AQP11: variants seen among roughly 807,000 people sequenced by gnomAD.
The protein encoded by AQP11 is aquaporin 11, also known as aquaporin-11.
Under a neutral mutation model 21.1 loss-of-function variants are expected in AQP11, and 20 were observed. The ratio of observed to expected loss-of-function variants is 0.95; its 90% CI spans 0.67 to 1.38. The LOEUF is 1.38. Ranked by LOEUF, AQP11 falls within the 40% of genes most tolerant of loss-of-function variation. The probability of loss-of-function intolerance (pLI) is 0.00; values close to 1 mark genes in which losing one functional copy is unlikely to be tolerated. For synonymous variants in AQP11, 167 were observed against 150.1 expected (o/e 1.11, Z -0.82); for missense variants, 339 against 340.4 (o/e 1.00, Z 0.03).
At chr11:77,608,707 C>T (rs764807116) in intron 2 of AQP11, among the ~76,000 whole-genome samples, 14 of 152,144 alleles carry the variant, frequency 9.2e-5, no homozygotes, top group Non-Finnish European at 2.1e-4. Flanking sequence ...ATTTGCTTGA[C>T]ACATCTCTAA....
Position 77,604,661 on chromosome 11 carries a change from T to C in AQP11, c.736+989T>C, listed in dbSNP as rs73500750. On this transcript the variant is annotated intron_variant, in intron 2 of 2. Transcript: ENST00000313578. ...ACAGAAGGGAAGTGCCATAACAGGTTTGAATAGTCAATCACACTTTACTCT... is the reference window on the plus strand; with the variant it reads ...ACAGAAGGGAAGTGCCATAACAGGTCTGAATAGTCAATCACACTTTACTCT... 2.2e-3 allele frequency among the ~76,000 whole-genome samples: 333 copies of C among 152,308 alleles called. 3 individuals are homozygous for C. The highest frequency in any genetic ancestry group is 7.3e-3 in the African/African-American group (302 of 41,576).
chr11:77,609,094 GA>G (rs1565120740), intron 2 of AQP11, among the ~76,000 whole-genome samples: 1 of 152,014 alleles, frequency 6.6e-6, no homozygotes, highest in Non-Finnish European at 1.5e-5. Flanking sequence ...GAGAATAATA[GA>G]TTTAAATCTG....
intron 1 of AQP11, among the ~76,000 whole-genome samples, chr11:77,591,735 A>T (rs887056616): frequency 1.3e-5 from 2 of 152,078 alleles, no homozygotes; most frequent in African/African-American, 2.4e-5. Flanking sequence ...TTAGCCAGGC[A>T]TGGTGGTGGG....
At chr11:77,591,534 G>A (rs1455579553) in intron 1 of AQP11, among the ~76,000 whole-genome samples, 1 of 152,190 alleles carries the variant, frequency 6.6e-6, no homozygotes, top group Non-Finnish European at 1.5e-5. Flanking sequence ...CAAACTTCAA[G>A]ATAAGGACTC....
At chr11:77,591,436 TATAAA>T (rs1958746882) in intron 1 of AQP11, 1 of 571,694 alleles carries the variant, frequency 1.7e-6, no homozygotes, top group African/African-American at 2.0e-5. Flanking sequence ...ACATCTAAAT[TATAAA>T]AGACTGTGGA....
chr11:77,609,529 T>A lies in AQP11; in HGVS notation c.*152T>A, dbSNP rs1184451736. The stretch of plus-strand genomic sequence containing the variant: ...CTTATAGTTTTCATCACTGGGACTT[T>A]AAAAAAAAATTACTGTGAAAATGAG... On this transcript the variant is annotated 3_prime_UTR_variant, in exon 3 of 3. Coordinates refer to ENST00000313578, the MANE Select transcript of AQP11 (RefSeq NM_173039.3). 2.5e-5 allele frequency: 12 copies of A among 479,990 alleles called. No individual in the cohort carries two copies. The highest frequency in any genetic ancestry group is 5.3e-5 in the South Asian group (1 of 18,960). The allele number at this position is 479,990 out of a possible 1,614,324, so 29.7% of individuals were successfully genotyped here.
intron 1 of AQP11, among the ~76,000 whole-genome samples, chr11:77,591,640 TG>T (rs950919325): frequency 2.7e-5 from 4 of 147,810 alleles, no homozygotes; most frequent in African/African-American, 1.0e-4. Context: ...GAGACCGAGG[TG>T]GGTGGATCAC....
intron 1 of AQP11, among the ~76,000 whole-genome samples, chr11:77,600,744 G>A (rs909016956): frequency 6.6e-6 from 1 of 152,210 alleles, no homozygotes; most frequent in African/African-American, 2.4e-5. Flanking sequence ...CGGGTGCGGT[G>A]GCTCACGCCT....
intron 2 of AQP11, among the ~76,000 whole-genome samples, chr11:77,608,089 T>C (rs1340310372): frequency 6.6e-6 from 1 of 152,202 alleles, no homozygotes; most frequent in Non-Finnish European, 1.5e-5. Context: ...TAATTTCAAA[T>C]GTGCATGTGA....
intron 2 of AQP11, among the ~76,000 whole-genome samples, chr11:77,605,362 G>A (rs1398437472): frequency 6.6e-6 from 1 of 152,068 alleles, no homozygotes; most frequent in African/African-American, 2.4e-5. Flanking sequence ...ATTTGTTAGC[G>A]TGCTCCAACT....
Position 77,609,169 on chromosome 11 carries a change from G to A in AQP11, c.737-129G>A, listed in dbSNP as rs541886381. ...CTAACATGTTTCACGTAGAATTGAT[G>A]TAGCCAATTCTTTAAGCATGGCTTT... is the stretch of plus-strand genomic sequence containing the variant. On this transcript the variant is annotated intron_variant, in intron 2 of 2. Transcript: ENST00000313578. The A allele has an allele frequency of 5.3e-6, 3 of 567,272 alleles. No individual in the cohort carries two copies. In the Admixed American group the frequency reaches 1.0e-4, roughly 19 times the overall value. 35.1% of individuals were successfully genotyped at this position (567,272 alleles called of 1,614,324 possible).
chr11:77,600,047 C>T (rs1255407172), intron 1 of AQP11, among the ~76,000 whole-genome samples: 3 of 152,042 alleles, frequency 2.0e-5, no homozygotes, highest in African/African-American at 7.2e-5. Flanking sequence ...GCAACCTCTG[C>T]CTCCTGGGTA....
At chr11:77,606,973 G>C (rs1251798416) in intron 2 of AQP11, among the ~76,000 whole-genome samples, 1 of 152,052 alleles carries the variant, frequency 6.6e-6, no homozygotes, top group East Asian at 1.9e-4. Context: ...ATTCTCAGTT[G>C]GTCTAAGGAC....
chr11:77,594,354 G>A (rs997451626), intron 1 of AQP11, among the ~76,000 whole-genome samples: 1 of 152,168 alleles, frequency 6.6e-6, no homozygotes, highest in Non-Finnish European at 1.5e-5. Flanking sequence ...TCTAAGTATT[G>A]TGAAACTCCA....
At position 77,589,966 on chromosome 11, in the gene AQP11, G is replaced by A. The variant is rs200630975; in HGVS notation, c.-27G>A. On this transcript the variant is annotated 5_prime_UTR_variant, in exon 1 of 3. Transcript: ENST00000313578. ...CGCCTCCTACCCAGAGCCGGAGCCC[G>A]CAACCCGCTCAGGCGGCGACGGAGC... 151 of 1,444,806 alleles carry A rather than the reference G, an allele frequency of 1.0e-4. No individual in the cohort carries two copies. In the African/African-American group the frequency reaches 2.1e-3, roughly 20 times the overall value. 89.5% of individuals were successfully genotyped at this position (1,444,806 alleles called of 1,614,324 possible).
At chr11:77,591,899 TC>T (rs1958750645) in intron 1 of AQP11, among the ~76,000 whole-genome samples, 1 of 151,978 alleles carries the variant, frequency 6.6e-6, no homozygotes, top group South Asian at 2.1e-4. Context: ...AAGCAAGCCT[TC>T]CCAATCAATT....
rs1039197705 is a variant in AQP11, at chr11:77,590,059, T to A, written c.67T>A (p.Ser23Thr). Residue 23 changes from serine to threonine, a missense_variant, in exon 1 of 3, where the codon TCG becomes ACG. Transcript: ENST00000313578. ...CTGCACCTCGCTGGGACTGATGCTG[T>A]CGGTGGTGCTGCTCATGGGGCTGGC... Reference protein sequence around the residue: ...DTCTSLGLMLSVVLLMGLARV... With the variant: ...DTCTSLGLMLTVVLLMGLARV... 4.4e-6 allele frequency: 7 copies of A among 1,599,184 alleles called. No homozygotes were observed. In the African/African-American group the frequency reaches 9.4e-5, roughly 21 times the overall value.
chr11:77,604,175 G>A (rs1170265557), intron 2 of AQP11, among the ~76,000 whole-genome samples: 1 of 152,024 alleles, frequency 6.6e-6, no homozygotes, highest in African/African-American at 2.4e-5. Flanking sequence ...GCAGCGGCAT[G>A]ATCATAGCCA....
intron 2 of AQP11, among the ~76,000 whole-genome samples, chr11:77,606,363 T>C (rs1255970589): frequency 1.3e-5 from 2 of 152,136 alleles, no homozygotes; most frequent in African/African-American, 4.8e-5. Flanking sequence ...ATGCTAAATC[T>C]TCTCCCTTTA....
Sources: gnomAD v4.1 joint callset for allele counts (sites outside exome capture counted in the v4.1 genomes callset) on GRCh38, gnomAD v4.1.1 for gene constraint, MANE v1.5 for transcripts, NCBI Gene and HGNC (gene_info 2026-07-23, HGNC 2026-07-21) for gene names.